LIMCH1: variants seen among roughly 807,000 people sequenced by gnomAD.
LIMCH1 encodes LIM and calponin homology domains-containing protein 1.
LIMCH1 carries 113 observed loss-of-function variants against 176.5 expected under a neutral mutation model. That is an observed-to-expected ratio of 0.64 (90% CI 0.55 to 0.75). LIMCH1 has a LOEUF of 0.75. LIMCH1 is among the 30% of genes least tolerant of loss of function. The pLI, the probability that LIMCH1 is intolerant of heterozygous loss-of-function variation, is 0.00. For synonymous variants in LIMCH1, 619 were observed against 645.9 expected (o/e 0.96, Z 0.63); for missense variants, 1,674 against 1,814.9 (o/e 0.92, Z 1.41).
At chr4:41,383,222 G>T (rs1366430596) in intron 1 of LIMCH1, among the ~76,000 whole-genome samples, 1 of 152,200 alleles carries the variant, frequency 6.6e-6, no homozygotes, top group Non-Finnish European at 1.5e-5. Context: ...TCTGGAGGTA[G>T]GTGCTTGGGA....
At chr4:41,499,765 C>G (rs2072908032) in intron 2 of LIMCH1, among the ~76,000 whole-genome samples, 1 of 152,120 alleles carries the variant, frequency 6.6e-6, no homozygotes, top group African/African-American at 2.4e-5. Context: ...TTGCAGTGAG[C>G]TGAGATTGTG....
chr4:41,547,898 A>ATATATATAT (rs1554094828), intron 1 of LIMCH1, among the ~76,000 whole-genome samples: 1 of 64,324 alleles, frequency 1.6e-5, no homozygotes, highest in Admixed American at 1.6e-4. Flanking sequence ...TATATATATA[A>ATATATATAT]ACAGTGAGTA....
chr4:41,423,856 G>T (rs1581932561), intron 1 of LIMCH1, among the ~76,000 whole-genome samples: 1 of 151,902 alleles, frequency 6.6e-6, no homozygotes, highest in Non-Finnish European at 1.5e-5. Context: ...GGAGTGGCTT[G>T]GTGGAGAGAA....
chr4:41,569,096 C>T (rs1274804902), intron 1 of LIMCH1, among the ~76,000 whole-genome samples: 1 of 152,112 alleles, frequency 6.6e-6, no homozygotes. Flanking sequence ...TGCCTACACC[C>T]GAACCAGCAT....
At position 41,663,068 on chromosome 4, in the gene LIMCH1, T is replaced by C. The variant is rs570923047; in HGVS notation, c.3291+84T>C. ...CAGCTAGCTGCTGCTGTGGCAGTTG[T>C]GAATAATGAAGATTTATTTCTCTCC... On this transcript the variant is annotated intron_variant, in intron 20 of 31. Transcript: ENST00000503057. The C allele has an allele frequency of 5.3e-5, 68 of 1,280,820 alleles. No homozygotes were observed. In the East Asian group the frequency reaches 1.6e-3, roughly 30 times the overall value. The allele number at this position is 1,280,820 out of a possible 1,614,324, so 79.3% of individuals were successfully genotyped here.
chr4:41,640,993 C>T lies in LIMCH1; in HGVS notation c.2126+2026C>T, dbSNP rs558000281. Among the ~76,000 whole-genome samples the T allele has an allele frequency of 1.1e-4, 16 of 152,298 alleles. No homozygotes were observed. In the South Asian group the frequency reaches 1.7e-3, roughly 16 times the overall value. On this transcript the variant is annotated intron_variant, in intron 14 of 31. Transcript: ENST00000503057. Reference sequence around the variant, plus strand: ...CCAATACCTGGCCCACCAAAGGAGTCGGTACGTTGTGAGAGCCATAGGCCA... The same window carrying T: ...CCAATACCTGGCCCACCAAAGGAGTTGGTACGTTGTGAGAGCCATAGGCCA...
At chr4:41,413,218 G>GTT (rs59105322) in intron 1 of LIMCH1, among the ~76,000 whole-genome samples, 9 of 139,870 alleles carry the variant, frequency 6.4e-5, no homozygotes, top group African/African-American at 1.6e-4. Flanking sequence ...GACATAATAA[G>GTT]TTTTTTTTTT....
chr4:41,451,114 TTTTA>T (rs2063819843), intron 1 of LIMCH1, among the ~76,000 whole-genome samples: 1 of 152,088 alleles, frequency 6.6e-6, no homozygotes, highest in Admixed American at 6.5e-5. Context: ...ATTATTTTAT[TTTTA>T]TTTATTTATT....
At chr4:41,481,458 A>G (rs1052472357) in intron 1 of LIMCH1, among the ~76,000 whole-genome samples, 2 of 152,190 alleles carry the variant, frequency 1.3e-5, no homozygotes, top group African/African-American at 4.8e-5. Context: ...TCTGTAAAAT[A>G]TAGGGGTTGT....
intron 1 of LIMCH1, among the ~76,000 whole-genome samples, chr4:41,449,370 C>A (rs939474498): frequency 2.0e-5 from 3 of 152,162 alleles, no homozygotes; most frequent in African/African-American, 7.2e-5. Flanking sequence ...GCTAGTTTTC[C>A]TTACTCTCTG....
rs150410247 is a variant in LIMCH1 at position 41,451,541 on chromosome 4, C to G, written c.97-42995C>G. On this transcript the variant is annotated intron_variant, in intron 1 of 26. Coordinates refer to the LIMCH1 transcript ENST00000313860. ...AACTCTTGAGAGTCTTTCCCACCCC[C>G]GGGACCTCTCCTCTCTCCCTTCTCC... Among the ~76,000 whole-genome samples, 1,211 of 152,306 alleles carry G rather than the reference C, an allele frequency of 8.0e-3. 12 individuals carry two copies. The highest frequency in any genetic ancestry group is 0.027 in the African/African-American group (1,108 of 41,550).
intron 31 of LIMCH1, among the ~76,000 whole-genome samples, chr4:41,695,075 G>A (rs556125848): frequency 6.6e-6 from 1 of 151,740 alleles, no homozygotes; most frequent in East Asian, 1.9e-4. Context: ...CTTCTATTTG[G>A]CACCTGATTT....
At chr4:41,625,017 A>T (rs557368679) in intron 7 of LIMCH1, among the ~76,000 whole-genome samples, 1 of 152,030 alleles carries the variant, frequency 6.6e-6, no homozygotes. Context: ...CCCCAAAGCA[A>T]CTCCTTCTTC....
intron 20 of LIMCH1, 84 bp from the exon 21 acceptor site, chr4:41,666,477 C>G (rs1273349436): frequency 2.5e-6 from 2 of 813,722 alleles, no homozygotes; most frequent in African/African-American, 3.5e-5. Context: ...TCTATAACAG[C>G]CATGGATCCT....
rs1388694682 is a variant in LIMCH1 at position 41,698,485 on chromosome 4, C to G, written c.*1300C>G. 1 of 152,210 alleles carries G rather than the reference C, an allele frequency of 6.6e-6. No homozygotes were observed. The highest frequency in any genetic ancestry group is 1.5e-5 in the Non-Finnish European group (1 of 68,002). The allele number at this position is 152,210 out of a possible 1,614,324, so 9.4% of individuals were successfully genotyped here. A position where few individuals can be genotyped will look rare whatever the true frequency, so the allele number is the denominator to read the frequency against. ...TTAAAAAGCATCACAATGTAGATCT[C>G]CAGGCTGGTTTTTTGTTTTTTGTTG... On this transcript the variant is annotated 3_prime_UTR_variant, in exon 32 of 32. Coordinates refer to ENST00000503057, the MANE Select transcript of LIMCH1 (RefSeq NM_001330672.2).
chr4:41,613,859 G>A (rs2091761601), intron 5 of LIMCH1, among the ~76,000 whole-genome samples, 198 bp downstream of exon 5: 2 of 152,224 alleles, frequency 1.3e-5, no homozygotes, highest in Middle Eastern at 3.2e-3. Flanking sequence ...GGTTGGCTTT[G>A]CCAGGAGTTT....
intron 1 of LIMCH1, among the ~76,000 whole-genome samples, chr4:41,443,551 A>G (rs1458337636): frequency 1.3e-5 from 2 of 152,208 alleles, no homozygotes; most frequent in Non-Finnish European, 2.9e-5. Flanking sequence ...TCCAGATTTC[A>G]GGAAGCCAGG....
intron 1 of LIMCH1, among the ~76,000 whole-genome samples, chr4:41,444,551 G>A (rs926688418): frequency 5.9e-5 from 9 of 152,224 alleles, no homozygotes; most frequent in Non-Finnish European, 1.2e-4. Context: ...ACACAATGGC[G>A]TCTTTGTCTG....
In LIMCH1 at chr4:41,362,831, G is replaced by A. The variant is rs553771907; in HGVS notation, c.96+1895G>A. Reference sequence around the variant, plus strand: ...TGCAGAATATTAGCTTTAATATCACGTTTAAGAAAAGGAAGAAGGGATTCC... The same window carrying A: ...TGCAGAATATTAGCTTTAATATCACATTTAAGAAAAGGAAGAAGGGATTCC... On this transcript the variant is annotated intron_variant, in intron 1 of 26. Transcript: ENST00000313860. Among the ~76,000 whole-genome samples the A allele has an allele frequency of 7.2e-5, 11 of 152,222 alleles. No individual in the cohort carries two copies. In the South Asian group the frequency reaches 1.9e-3, roughly 26 times the overall value.
Sources: gnomAD v4.1 joint callset for allele counts (sites outside exome capture counted in the v4.1 genomes callset) on GRCh38, gnomAD v4.1.1 for gene constraint, MANE v1.5 for transcripts, NCBI Gene and HGNC (gene_info 2026-07-23, HGNC 2026-07-21) for gene names.